Variants in FHIT observed in about 807,000 individuals in gnomAD.
FHIT encodes bis(5'-adenosyl)-triphosphatase.
In FHIT, 19 loss-of-function variants were observed where a neutral mutation model predicts 17.9. The ratio of observed to expected loss-of-function variants is 1.06; its 90% CI spans 0.74 to 1.56. The LOEUF is 1.56. FHIT is among the 40% of genes most tolerant of loss of function. The pLI, the probability that FHIT is intolerant of heterozygous loss-of-function variation, is 0.00. For missense variants in FHIT, 248 were observed against 189.2 expected (o/e 1.31, Z -1.82); for synonymous variants, 81 against 69.7 (o/e 1.16, Z -0.81).
At chr3:61,136,119 G>A (rs1041746289) in intron 2 of FHIT, among the ~76,000 whole-genome samples, 5 of 152,050 alleles carry the variant, frequency 3.3e-5, no homozygotes, top group Non-Finnish European at 7.4e-5. Context: ...CGGAGGACCA[G>A]GTGAAGGAAA....
At chr3:60,677,523 A>G (rs150188940) in intron 4 of FHIT, among the ~76,000 whole-genome samples, 1,903 of 152,302 alleles carry the variant, frequency 0.012, 22 homozygotes, top group Middle Eastern at 0.024. Context: ...TCTATTATGT[A>G]TACATATATA....
chr3:59,850,765 G>A (rs1701901393), intron 8 of FHIT, among the ~76,000 whole-genome samples: 1 of 152,162 alleles, frequency 6.6e-6, no homozygotes, highest in Non-Finnish European at 1.5e-5. Flanking sequence ...GCACCTTGTG[G>A]GTGTGACTTG....
intron 7 of FHIT, among the ~76,000 whole-genome samples, chr3:59,999,187 G>C (rs1368341279): frequency 6.6e-6 from 1 of 152,062 alleles, no homozygotes; most frequent in Non-Finnish European, 1.5e-5. Flanking sequence ...CTGGGAGAGA[G>C]AGCCCTGCAT....
intron 7 of FHIT, among the ~76,000 whole-genome samples, chr3:59,944,315 T>G (rs1456263291): frequency 6.6e-6 from 1 of 152,280 alleles, no homozygotes; most frequent in South Asian, 2.1e-4. Flanking sequence ...ATAACTACCA[T>G]TGCGCTCAAG....
chr3:59,994,055 G>C (rs1699401422), intron 7 of FHIT, among the ~76,000 whole-genome samples: 1 of 151,990 alleles, frequency 6.6e-6, no homozygotes, highest in Non-Finnish European at 1.5e-5. Context: ...CTCTTTTACA[G>C]ATGAGGAAAG....
intron 4 of FHIT, among the ~76,000 whole-genome samples, chr3:60,677,835 A>G (rs1181822049): frequency 6.6e-6 from 1 of 152,066 alleles, no homozygotes; most frequent in East Asian, 1.9e-4. Flanking sequence ...TATTGATTCA[A>G]TCTTACTATT....
intron 5 of FHIT, among the ~76,000 whole-genome samples, chr3:60,444,701 G>C (rs113679785): frequency 0.012 from 1,856 of 152,122 alleles, 12 homozygotes; most frequent in Non-Finnish European, 0.02. Context: ...GTTGTTGGGT[G>C]GGGGGAGTGG....
At chr3:60,621,314 A>C (rs946494380) in intron 4 of FHIT, among the ~76,000 whole-genome samples, 1 of 151,486 alleles carries the variant, frequency 6.6e-6, no homozygotes, top group Non-Finnish European at 1.5e-5. Context: ...ACGCCTAGCT[A>C]CTTTTTTGTA....
chr3:60,142,185 T>A (rs1300756445), intron 5 of FHIT, among the ~76,000 whole-genome samples: 3 of 152,162 alleles, frequency 2.0e-5, no homozygotes, highest in East Asian at 1.9e-4. Context: ...TCAGCTCAAA[T>A]CATGACTCTG....
intron 8 of FHIT, among the ~76,000 whole-genome samples, chr3:59,902,860 A>G (rs1704395405): frequency 6.6e-6 from 1 of 152,188 alleles, no homozygotes; most frequent in Non-Finnish European, 1.5e-5. Context: ...AAGTGCTGGC[A>G]CTCTAATGTC....
chr3:60,499,812 C>A (rs1257469591), intron 5 of FHIT, among the ~76,000 whole-genome samples: 1 of 152,210 alleles, frequency 6.6e-6, no homozygotes, highest in East Asian at 1.9e-4. Flanking sequence ...TTAGTTCTTA[C>A]AGCACGTGTC....
At chr3:61,142,268 C>A (rs2037107497) in intron 2 of FHIT, among the ~76,000 whole-genome samples, 3 of 151,424 alleles carry the variant, frequency 2.0e-5, no homozygotes, top group Non-Finnish European at 1.5e-5. Context: ...CTCCCAGGGA[C>A]TAAAACTTTA....
At chr3:59,998,884 C>G (rs530896029) in intron 7 of FHIT, among the ~76,000 whole-genome samples, 11 of 152,244 alleles carry the variant, frequency 7.2e-5, no homozygotes, top group African/African-American at 2.6e-4. Context: ...TTAGACTGCA[C>G]GGCAAATTAA....
At chr3:60,478,528 GA>G (rs528736508) in intron 5 of FHIT, among the ~76,000 whole-genome samples, 139 of 152,230 alleles carry the variant, frequency 9.1e-4, no homozygotes, top group African/African-American at 3.3e-3. Context: ...AAAAACAATA[GA>G]ATGCATCTGG....
chr3:60,466,167 G>A (rs1483144582), intron 5 of FHIT, among the ~76,000 whole-genome samples: 7 of 151,888 alleles, frequency 4.6e-5, no homozygotes, highest in Non-Finnish European at 1.5e-5. Flanking sequence ...TTACTTTCTT[G>A]AATTATTTTT....
intron 5 of FHIT, among the ~76,000 whole-genome samples, chr3:60,124,424 T>C (rs1431799665): frequency 1.3e-5 from 2 of 152,096 alleles, no homozygotes; most frequent in Non-Finnish European, 2.9e-5. Context: ...TCCCTGATGT[T>C]TGTGTCTTTC....
At chr3:60,487,861 T>C (rs906598930) in intron 5 of FHIT, among the ~76,000 whole-genome samples, 11 of 152,208 alleles carry the variant, frequency 7.2e-5, no homozygotes, top group African/African-American at 2.7e-4. Flanking sequence ...ATCTCAAAGA[T>C]ATAACCAGGT....
chr3:60,434,115 T>A (rs886225656), intron 5 of FHIT, among the ~76,000 whole-genome samples: 4 of 152,124 alleles, frequency 2.6e-5, no homozygotes, highest in Non-Finnish European at 4.4e-5. Flanking sequence ...TTGGACCCTT[T>A]TATTATACCA....
chr3:59,795,707 A>G (rs960989161), intron 8 of FHIT, among the ~76,000 whole-genome samples: 4 of 152,214 alleles, frequency 2.6e-5, no homozygotes, highest in Non-Finnish European at 5.9e-5. Context: ...AGCCTGGGCA[A>G]CAGAGCAAAA....
Sources: gnomAD v4.1 joint callset for allele counts (sites outside exome capture counted in the v4.1 genomes callset) on GRCh38, gnomAD v4.1.1 for gene constraint, MANE v1.5 for transcripts, NCBI Gene and HGNC (gene_info 2026-07-23, HGNC 2026-07-21) for gene names.